Variants in WWP1 observed in about 807,000 individuals in gnomAD.
WWP1 encodes WW domain containing E3 ubiquitin protein ligase 1, also known as NEDD4-like E3 ubiquitin-protein ligase WWP1.
Under a neutral mutation model 130.6 loss-of-function variants are expected in WWP1, and 49 were observed. That is an observed-to-expected ratio of 0.38 (90% CI 0.30 to 0.48). WWP1 has a LOEUF of 0.48. Ranked by LOEUF, WWP1 falls within the 20% of genes least tolerant of loss-of-function variation. WWP1 has a pLI of 0.99. For synonymous variants in WWP1, 332 were observed against 367.8 expected (o/e 0.90, Z 1.11); for missense variants, 809 against 1,100.6 (o/e 0.74, Z 3.75).
chr8:86,368,543 A>T (rs1026808651), intron 1 of WWP1, among the ~76,000 whole-genome samples: 1 of 152,152 alleles, frequency 6.6e-6, no homozygotes. Context: ...AGAGCTTCCA[A>T]AGTTATTTTT....
Position 86,467,248 on chromosome 8 carries a change from G to T in WWP1, c.*355G>T. The T allele has an allele frequency of 6.0e-6, 1 of 167,038 alleles. No homozygotes were observed. 10.3% of individuals were successfully genotyped at this position (167,038 alleles called of 1,614,324 possible). A position where few individuals can be genotyped will look rare whatever the true frequency, so the allele number is the denominator to read the frequency against. ...CATTCATTCATAAAGATCTGGATTT[G>T]CTTTACCTTGTTAATATTATCTAGG... On this transcript the variant is annotated 3_prime_UTR_variant, in exon 25 of 25. Transcript: ENST00000517970.
chr8:86,375,242 T>C (rs1341752913), intron 3 of WWP1, among the ~76,000 whole-genome samples: 1 of 152,244 alleles, frequency 6.6e-6, no homozygotes, highest in African/African-American at 2.4e-5. Flanking sequence ...TAATGTACTT[T>C]AGTAATTCTC....
chr8:86,362,053 T>A (rs1212095042), intron 1 of WWP1, among the ~76,000 whole-genome samples: 1 of 82,314 alleles, frequency 1.2e-5, no homozygotes, highest in Non-Finnish European at 2.4e-5. Context: ...TATACACACA[T>A]ATATACACAC....
intron 18 of WWP1, 64 bp downstream of exon 18, chr8:86,442,842 A>T (rs201937444): frequency 0.011 from 598 of 56,010 alleles, no homozygotes; most frequent in Non-Finnish European, 0.012. Flanking sequence ...GAAGGCTTTT[A>T]AAAAAAAAAA....
rs1810668328 is a variant in WWP1 at position 86,442,900 on chromosome 8, A to G, written c.1998+122A>G. ...TATTCACAAGTTTTGTTACCAAGAA[A>G]GTTTCCCTGGAGAGTGTAAAAATAT... On this transcript the variant is annotated intron_variant, in intron 18 of 24. Transcript: ENST00000517970. The G allele has an allele frequency of 2.9e-6, 3 of 1,048,830 alleles. No homozygotes were observed. The African/African-American group carries it at 4.9e-5, about 17-fold the overall frequency. The allele number at this position is 1,048,830 out of a possible 1,614,324, so 65.0% of individuals were successfully genotyped here.
chr8:86,390,423 G>C (rs552519461), intron 5 of WWP1, among the ~76,000 whole-genome samples: 2 of 152,158 alleles, frequency 1.3e-5, no homozygotes, highest in African/African-American at 4.8e-5. Context: ...CTGAGTGAGC[G>C]AGACTCCGTC....
At chr8:86,424,130 G>A (rs900802342) in intron 9 of WWP1, among the ~76,000 whole-genome samples, 9 of 149,834 alleles carry the variant, frequency 6.0e-5, no homozygotes, top group African/African-American at 2.2e-4. Context: ...TTCTCAGATG[G>A]GGCGGCCGGG....
At chr8:86,356,094 A>G (rs576576644) in intron 1 of WWP1, among the ~76,000 whole-genome samples, 1 of 152,336 alleles carries the variant, frequency 6.6e-6, no homozygotes, top group Admixed American at 6.5e-5. Flanking sequence ...TGACTGACAT[A>G]TAATAGGAGC....
chr8:86,415,527 T>G (rs575222063), intron 9 of WWP1, among the ~76,000 whole-genome samples: 60 of 152,296 alleles, frequency 3.9e-4, no homozygotes, highest in African/African-American at 1.3e-3. Flanking sequence ...GTTTTAAAAT[T>G]TTTTTAGATA....
intron 5 of WWP1, among the ~76,000 whole-genome samples, chr8:86,383,181 CATTT>C (rs1355051986): frequency 1.5e-5 from 1 of 68,068 alleles, no homozygotes; most frequent in Non-Finnish European, 3.2e-5. Flanking sequence ...TATGCCATGG[CATTT>C]TTTTTTTTCT....
Position 86,427,707 on chromosome 8 carries a change from A to T in WWP1, c.1222A>T (p.Thr408Ser). 1 of 1,614,044 alleles carries T rather than the reference A, an allele frequency of 6.2e-7. No individual in the cohort carries two copies. Among genetic ancestry groups the T allele is most frequent in the Non-Finnish European group, 8.5e-7 (1 of 1,179,946 alleles). ...TGTGGATCATAACACCAGAACAACA[A>T]CGTGGCAGCGGCCTACCATGGAATC... is the stretch of plus-strand genomic sequence containing the variant. ...YYVDHNTRTT[T>S]WQRPTMESVR... Residue 408 changes from threonine (T) to serine (S), a missense_variant, in exon 11 of 25, where the codon ACG (threonine) becomes TCG (serine). Physicochemically the swap from Thr to Ser is moderately conservative, Grantham distance 58. Coordinates refer to ENST00000517970, the MANE Select transcript of WWP1 (RefSeq NM_007013.4).
rs527662459 is a variant in WWP1, at chr8:86,397,559, T to G, written c.335-783T>G. ...CCAAGAAACAAAAATTCCTTCTAACTGAAGCTGTGTATCCTTTTACCTTCA... is the reference window on the plus strand; with the variant it reads ...CCAAGAAACAAAAATTCCTTCTAACGGAAGCTGTGTATCCTTTTACCTTCA... On this transcript the variant is annotated intron_variant, in intron 5 of 24. Coordinates refer to ENST00000517970, the MANE Select transcript of WWP1 (RefSeq NM_007013.4). Among the ~76,000 whole-genome samples the G allele has an allele frequency of 2.6e-4, 39 of 152,316 alleles. 1 individual carries two copies. In the East Asian group the frequency reaches 7.5e-3, roughly 29 times the overall value.
chr8:86,431,199 ATTATATTCTCTATAATATAATATATG>A (rs1809953987), intron 12 of WWP1, among the ~76,000 whole-genome samples, 181 bp from the exon 13 acceptor site: 1 of 140,628 alleles, frequency 7.1e-6, no homozygotes, highest in Admixed American at 7.4e-5. Context: ...TATAATATAT[ATTATATTCTCTATAATATAATATATG>A]TTATATTCTC....
chr8:86,343,220 G>C (rs1563449325), intron 1 of WWP1: 1 of 168,836 alleles, frequency 5.9e-6, no homozygotes, highest in Non-Finnish European at 1.3e-5. Context: ...TGCAGCCGCA[G>C]TTCTTAGGCT....
chr8:86,435,363 T>C (rs1313262305), intron 14 of WWP1, 89 bp from the exon 15 acceptor site: 52 of 1,363,000 alleles, frequency 3.8e-5, no homozygotes, highest in Non-Finnish European at 5.2e-5. Context: ...TGGTATTTTG[T>C]TGGACTTTAG....
chr8:86,442,478 G>T, intron 17 of WWP1, 141 bp from the exon 18 acceptor site: 1 of 732,028 alleles, frequency 1.4e-6, no homozygotes, highest in Non-Finnish European at 2.0e-6. Context: ...AGAAGAACTT[G>T]GATAGAGGGC....
intron 1 of WWP1, 97 bp from the exon 2 acceptor site, chr8:86,368,842 G>A (rs1824126305): frequency 6.6e-6 from 1 of 152,128 alleles, no homozygotes; most frequent in African/African-American, 2.4e-5. Context: ...CTGAAGGCTG[G>A]ATTATCTACT....
At chr8:86,400,900 A>G (rs1807938694) in intron 7 of WWP1, among the ~76,000 whole-genome samples, 1 of 152,176 alleles carries the variant, frequency 6.6e-6, no homozygotes, top group Non-Finnish European at 1.5e-5. Context: ...TTATATTTTT[A>G]AAACAATGCT....
chr8:86,407,955 G>T (rs1285907517), intron 8 of WWP1, among the ~76,000 whole-genome samples: 1 of 151,982 alleles, frequency 6.6e-6, no homozygotes, highest in Non-Finnish European at 1.5e-5. Flanking sequence ...TCTTTGTATT[G>T]TACTGGTTCT....
Sources: gnomAD v4.1 joint callset for allele counts (sites outside exome capture counted in the v4.1 genomes callset) on GRCh38, gnomAD v4.1.1 for gene constraint, MANE v1.5 for transcripts, NCBI Gene and HGNC (gene_info 2026-07-23, HGNC 2026-07-21) for gene names.